Variants in ATE1 observed in about 807,000 individuals in gnomAD.
ATE1 encodes the protein arginyltransferase 1, also known as arginyl-tRNA--protein transferase 1.
In ATE1, 36 loss-of-function variants were observed where a neutral mutation model predicts 70.5. The ratio of observed to expected loss-of-function variants is 0.51; its 90% CI spans 0.39 to 0.67. The LOEUF is 0.67. Ranked by LOEUF, ATE1 falls within the 30% of genes least tolerant of loss-of-function variation. ATE1 has a pLI of 0.00. For missense variants in ATE1, 593 were observed against 629.5 expected, an observed-to-expected ratio of 0.94 and a Z score of 0.62; for synonymous variants, 232 against 219.3, an observed-to-expected ratio of 1.06 and a Z score of -0.51.
At chr10:121,858,862 G>A (rs1383000705) in intron 8 of ATE1, among the ~76,000 whole-genome samples, 2 of 151,922 alleles carry the variant, frequency 1.3e-5, no homozygotes, top group African/African-American at 2.4e-5. Flanking sequence ...TTGGGATGCC[G>A]AGGCGGGCAG....
intron 11 of ATE1, among the ~76,000 whole-genome samples, chr10:121,760,180 G>T (rs1301651882): frequency 2.0e-5 from 3 of 152,204 alleles, no homozygotes; most frequent in Non-Finnish European, 4.4e-5. Flanking sequence ...CAAGATCAGT[G>T]TTGTTTTCAT....
rs1344332605 is a variant in ATE1, at chr10:121,903,115, T to TC, written c.584-496dup. ...TCCCTTGGACAGACTGGTCTCAAAC[T>TC]CCTGACCTCGTGATTCACCCACCTT... On this transcript the variant is annotated intron_variant, in intron 5 of 11. Coordinates refer to ENST00000224652, the MANE Select transcript of ATE1 (RefSeq NM_001001976.3). Among the ~76,000 whole-genome samples, 346 of 152,016 alleles carry TC rather than the reference T, an allele frequency of 2.3e-3. 4 individuals carry two copies. Among genetic ancestry groups the TC allele is most frequent in the Middle Eastern group, 0.021 (6 of 292 alleles).
At chr10:121,883,091 C>T (rs1219145480) in intron 7 of ATE1, among the ~76,000 whole-genome samples, 3 of 152,148 alleles carry the variant, frequency 2.0e-5, no homozygotes, top group Non-Finnish European at 1.5e-5. Flanking sequence ...TTCCTCTTGA[C>T]TGTAACTTTA....
intron 7 of ATE1, among the ~76,000 whole-genome samples, chr10:121,897,407 C>T (rs1950820764): frequency 6.6e-6 from 1 of 152,150 alleles, no homozygotes; most frequent in African/African-American, 2.4e-5. Flanking sequence ...AGGAAGCTTC[C>T]TAGGCCTAGC....
chr10:121,845,894 C>G (rs562839063), intron 8 of ATE1, among the ~76,000 whole-genome samples: 7 of 152,166 alleles, frequency 4.6e-5, no homozygotes, highest in African/African-American at 1.7e-4. Context: ...TAGATATGTG[C>G]ATATATATGC....
intron 8 of ATE1, among the ~76,000 whole-genome samples, chr10:121,857,671 T>A (rs1043551127): frequency 6.6e-6 from 1 of 152,226 alleles, no homozygotes; most frequent in Non-Finnish European, 1.5e-5. Context: ...ATAGCTCTAT[T>A]CACAACGGCA....
At chr10:121,822,715 T>A (rs1947847913) in intron 10 of ATE1, among the ~76,000 whole-genome samples, 1 of 152,186 alleles carries the variant, frequency 6.6e-6, no homozygotes, top group African/African-American at 2.4e-5. Flanking sequence ...TTTTTATCCA[T>A]GCAGAGTCAC....
chr10:121,843,023 G>A (rs1006192082), intron 8 of ATE1, among the ~76,000 whole-genome samples: 1 of 152,098 alleles, frequency 6.6e-6, no homozygotes, highest in African/African-American at 2.4e-5. Flanking sequence ...CTGGAAAGGA[G>A]GAAAAGCCTG....
At chr10:121,835,530 A>G (rs1256719264) in intron 10 of ATE1, among the ~76,000 whole-genome samples, 1 of 151,884 alleles carries the variant, frequency 6.6e-6, no homozygotes, top group Non-Finnish European at 1.5e-5. Flanking sequence ...TTTAAGAGAC[A>G]CATCGCAAAT....
chr10:121,743,900 C>CCCCTCCCCGGAGATCCTAATACA, intron 11 of ATE1, 42 bp from the exon 12 acceptor site: 2 of 771,408 alleles, frequency 2.6e-6, no homozygotes, highest in South Asian at 3.7e-5. Flanking sequence ...TGTCACATAT[C>CCCCTCCCCGGAGATCCTAATACA]AAAACTTTTT....
intron 3 of ATE1, among the ~76,000 whole-genome samples, chr10:121,919,119 C>T (rs1038996264): frequency 6.6e-6 from 1 of 152,100 alleles, no homozygotes; most frequent in African/African-American, 2.4e-5. Flanking sequence ...GCAGTGGCAA[C>T]CCACTAGGGT....
In ATE1 at chr10:121,910,805, G is replaced by A. The variant is rs572052466; in HGVS notation, c.583+101C>T. 3.3e-5 allele frequency: 50 copies of A among 1,504,658 alleles called. No homozygotes were observed. In the East Asian group the frequency reaches 4.5e-4, roughly 14 times the overall value. The allele number at this position is 1,504,658 out of a possible 1,614,324, so 93.2% of individuals were successfully genotyped here. On this transcript the variant is annotated intron_variant, in intron 5 of 11. Coordinates refer to ENST00000224652, the MANE Select transcript of ATE1 (RefSeq NM_001001976.3). ...CAGGGTTCTGTTTTACAGACTGCAC[G>A]ACTAAGTCATCCTTTTGGCTGATGG...
chr10:121,767,296 G>A (rs1945317424), intron 11 of ATE1, among the ~76,000 whole-genome samples: 1 of 152,136 alleles, frequency 6.6e-6, no homozygotes, highest in South Asian at 2.1e-4. Context: ...TATCTTAAAG[G>A]TGAGAGACTG....
chr10:121,868,685 G>A (rs1284204058), intron 8 of ATE1, among the ~76,000 whole-genome samples: 1 of 152,070 alleles, frequency 6.6e-6, no homozygotes, highest in Non-Finnish European at 1.5e-5. Context: ...TGACTTGCCC[G>A]TGGGCTACTC....
upstream of ATE1, chr10:121,928,347 C>T: frequency 2.4e-5 from 36 of 1,529,188 alleles, no homozygotes; most frequent in Non-Finnish European, 3.1e-5. Flanking sequence ...GAACACTCAC[C>T]GCAGGACGCT....
At chr10:121,925,977 G>A (rs1343289711) in intron 1 of ATE1, among the ~76,000 whole-genome samples, 9 of 152,114 alleles carry the variant, frequency 5.9e-5, no homozygotes, top group South Asian at 4.2e-4. Flanking sequence ...AGGCCGAGGC[G>A]GGTAGATCAC....
chr10:121,897,066 C>T (rs1950809337), intron 7 of ATE1, among the ~76,000 whole-genome samples: 1 of 152,094 alleles, frequency 6.6e-6, no homozygotes, highest in Admixed American at 6.6e-5. Flanking sequence ...CTCAGAAAAA[C>T]CTCTCTAACC....
At chr10:121,839,864 C>T (rs1948564101) in intron 9 of ATE1, among the ~76,000 whole-genome samples, 1 of 152,140 alleles carries the variant, frequency 6.6e-6, no homozygotes, top group South Asian at 2.1e-4. Context: ...TGAAAAATTT[C>T]AACTCTTTTA....
At chr10:121,898,724 CAGA>C in intron 7 of ATE1, 1 of 1,239,402 alleles carries the variant, frequency 8.1e-7, no homozygotes, top group Non-Finnish European at 1.1e-6. Flanking sequence ...TGAGTGTTCA[CAGA>C]AGTTCAGTAA....
Sources: gnomAD v4.1 joint callset for allele counts (sites outside exome capture counted in the v4.1 genomes callset) on GRCh38, gnomAD v4.1.1 for gene constraint, MANE v1.5 for transcripts, NCBI Gene and HGNC (gene_info 2026-07-23, HGNC 2026-07-21) for gene names.